The following IDUA variants were observed in gnomAD, a reference collection of about 807,000 sequenced individuals.
IDUA encodes iduronidase alpha-L-.
IDUA carries 65 observed loss-of-function variants against 68.9 expected under a neutral mutation model. The ratio of observed to expected loss-of-function variants is 0.94; its 90% CI spans 0.77 to 1.16. The LOEUF (loss-of-function observed/expected upper bound fraction) is 1.16, where lower values mean the gene tolerates loss of function less well. Ranked by LOEUF, IDUA falls within the 50% of genes most tolerant of loss-of-function variation. The pLI, the probability that IDUA is intolerant of heterozygous loss-of-function variation, is 0.00. For synonymous variants in IDUA, 529 were observed against 433.6 expected (o/e 1.22, Z -2.73); for missense variants, 1,046 against 938.0 (o/e 1.12, Z -1.50).
At chr4:996,060 G>A (rs116126909) in intron 2 of IDUA, among the ~76,000 whole-genome samples, 160 of 152,332 alleles carry the variant, frequency 1.1e-3, no homozygotes, top group Middle Eastern at 3.4e-3. Context: ...CTCCACCTGG[G>A]ATGCCCTCTC....
At chr4:987,998 C>T (rs1713880089) in intron 2 of IDUA, 49 bp downstream of exon 2, 2 of 1,530,606 alleles carry the variant, frequency 1.3e-6, no homozygotes, top group South Asian at 2.4e-5. Context: ...TACAGAGGCA[C>T]AGATGGGAGG....
chr4:992,180 G>A, intron 2 of IDUA: 1 of 462,372 alleles, frequency 2.2e-6, no homozygotes, highest in Non-Finnish European at 4.3e-6. Context: ...GGACACAGGT[G>A]CAGGCAAGCC....
chr4:988,558 T>C lies in IDUA; in HGVS notation c.299+609T>C, dbSNP rs1713935601. On this transcript the variant is annotated intron_variant, in intron 2 of 13. Coordinates refer to ENST00000514224, the MANE Select transcript of IDUA (RefSeq NM_000203.5). ...CTGAGCGTCAGGTCAGGCCCATCCC[T>C]CCTGAGCTGAGGGACGGTGCATTGG... 4.6e-6 allele frequency: 6 copies of C among 1,311,336 alleles called. No homozygotes were observed. The East Asian group carries it at 1.6e-4, about 34-fold the overall frequency. The allele number at this position is 1,311,336 out of a possible 1,614,324, so 81.2% of individuals were successfully genotyped here. A position where few individuals can be genotyped will look rare whatever the true frequency, so the allele number is the denominator to read the frequency against.
rs1039668945 is a variant in IDUA at position 1,002,949 on chromosome 4, G to C, written c.1402+5G>C. On this transcript the variant is annotated splice_donor_5th_base_variant and intron_variant, in intron 9 of 13. Coordinates refer to ENST00000514224, the MANE Select transcript of IDUA (RefSeq NM_000203.5). The stretch of plus-strand genomic sequence containing the variant: ...GCGGGGTGCCCCCCGGCCCGGGTAA[G>C]CCGGGGTTCCAGGGAGGTCTCTGGC... 1 of 1,363,728 alleles carries C rather than the reference G, an allele frequency of 7.3e-7. No homozygotes were observed. Among genetic ancestry groups the C allele is most frequent in the Non-Finnish European group, 9.4e-7 (1 of 1,065,978 alleles). 84.5% of individuals were successfully genotyped at this position (1,363,728 alleles called of 1,614,324 possible). A position where few individuals can be genotyped will look rare whatever the true frequency, so the allele number is the denominator to read the frequency against.
chr4:992,874 G>T (rs943021421), intron 2 of IDUA: 2 of 152,238 alleles, frequency 1.3e-5, no homozygotes, highest in Non-Finnish European at 2.9e-5. Flanking sequence ...CAAAGACTTT[G>T]CTCCCAGGAC....
rs143621769 is a variant in IDUA, at chr4:1,004,065, C to G, written c.1781C>G (p.Pro594Arg). ...QFSQDGKAYTPVSRKPSTFNL... is the reference protein window; with the variant it reads ...QFSQDGKAYTRVSRKPSTFNL... Reference sequence around the variant, plus strand: ...TCTCAGGACGGTAAGGCGTACACCCCGGTCAGCAGGAAGCCATCGACCTTC... The same window carrying G: ...TCTCAGGACGGTAAGGCGTACACCCGGGTCAGCAGGAAGCCATCGACCTTC... Residue 594 changes from proline to arginine, a missense_variant, in exon 13 of 14, where the codon CCG becomes CGG. Pro to Arg is a moderately radical substitution (Grantham distance 103). Transcript: ENST00000514224. This position sits in a 1 kb window ranked among gnomAD's most constrained non-coding sequence, Gnocchi z 5.0. 4 of 1,612,698 alleles carry G rather than the reference C, an allele frequency of 2.5e-6. No individual in the cohort carries two copies. The highest frequency in any genetic ancestry group is 3.4e-6 in the Non-Finnish European group (4 of 1,179,794).
At position 1,002,736 on chromosome 4, in the gene IDUA, G is replaced by A; in HGVS notation, c.1194G>A (p.Glu398=). ...CGGCCCCCCCCCGCCCCGCAGATGAGGAGCAGCTCTGGGCCGAAGTGTCGC... is the reference window on the plus strand; with the variant it reads ...CGGCCCCCCCCCGCCCCGCAGATGAAGAGCAGCTCTGGGCCGAAGTGTCGC... ...TAMGLLALLD[E]EQLWAEVSQA... The change falls in exon 9 of 14, where the codon GAG becomes GAA. Residue 398 remains glutamate, a synonymous_variant. Transcript: ENST00000514224. 1.2e-5 allele frequency: 18 copies of A among 1,485,240 alleles called. No homozygotes were observed. Among genetic ancestry groups the A allele is most frequent in the Non-Finnish European group, 1.6e-5 (18 of 1,123,774 alleles). 92.0% of individuals were successfully genotyped at this position (1,485,240 alleles called of 1,614,324 possible).
In IDUA at chr4:1,002,807, C is replaced by A; in HGVS notation, c.1265C>A (p.Ala422Asp). ...LDSNHTVGVL[A>D]SAHRPQGPAD... ...AGCAACCACACGGTGGGCGTCCTGG[C>A]CAGCGCCCACCGCCCCCAGGGCCCG... The change falls in exon 9 of 14, where the codon GCC becomes GAC. Residue 422 changes from alanine (A) to aspartate (D), a missense_variant. Transcript: ENST00000514224. The A allele has an allele frequency of 1.4e-6, 2 of 1,459,476 alleles. No homozygotes were observed. Among genetic ancestry groups the A allele is most frequent in the Non-Finnish European group, 1.8e-6 (2 of 1,111,710 alleles). 90.4% of individuals were successfully genotyped at this position (1,459,476 alleles called of 1,614,324 possible). A position where few individuals can be genotyped will look rare whatever the true frequency, so the allele number is the denominator to read the frequency against.
intron 2 of IDUA, among the ~76,000 whole-genome samples, chr4:992,437 G>A (rs1443030514): frequency 1.3e-5 from 2 of 152,242 alleles, no homozygotes; most frequent in Non-Finnish European, 2.9e-5. Context: ...TCTGCTGGGG[G>A]AGCAGCACTC....
At chr4:997,914 C>T (rs1714837546) in intron 2 of IDUA, among the ~76,000 whole-genome samples, 1 of 152,240 alleles carries the variant, frequency 6.6e-6, no homozygotes, top group Non-Finnish European at 1.5e-5. Flanking sequence ...GGGGCTCCCC[C>T]CGCTAGGGTC....
At chr4:991,748 G>T in intron 2 of IDUA, 1 of 1,532,338 alleles carries the variant, frequency 6.5e-7, no homozygotes, top group Non-Finnish European at 8.7e-7. Context: ...CGAGAAGAGG[G>T]CATGGTCACA....
Position 991,119 on chromosome 4 carries a change from G to T in IDUA, c.299+3170G>T, listed in dbSNP as rs1266916925. 4 of 1,529,276 alleles carry T rather than the reference G, an allele frequency of 2.6e-6. No homozygotes were observed. In the Admixed American group the frequency reaches 6.0e-5, roughly 23 times the overall value. 94.7% of individuals were successfully genotyped at this position (1,529,276 alleles called of 1,614,324 possible). On this transcript the variant is annotated intron_variant, in intron 2 of 13. Coordinates refer to ENST00000514224, the MANE Select transcript of IDUA (RefSeq NM_000203.5). ...GGGCCCCTCCCTGTGCCCAAGCAGG[G>T]CTCCTCACCTGGTAAAGCCCGGTCA...
At chr4:989,681 C>T (rs1395466649) in intron 2 of IDUA, 5 of 1,564,922 alleles carry the variant, frequency 3.2e-6, no homozygotes, top group African/African-American at 2.7e-5. Flanking sequence ...ACCACGGTGG[C>T]GCTGACCACG....
intron 2 of IDUA, chr4:989,939 C>T: frequency 6.4e-7 from 1 of 1,556,698 alleles, no homozygotes; most frequent in Non-Finnish European, 8.7e-7. Flanking sequence ...AGCCTGGGCT[C>T]TGGGACCTGA....
rs10794537 is a variant in IDUA, at chr4:987,183, T to G, written c.99T>G (p.His33Gln). 0.81 allele frequency: 1,199,746 copies of G among 1,472,526 alleles called. 490,912 individuals carry two copies. Among genetic ancestry groups the G allele is most frequent in the African/African-American group, 0.96 (65,474 of 68,164 alleles). The allele number at this position is 1,472,526 out of a possible 1,614,324, so 91.2% of individuals were successfully genotyped here. A position where few individuals can be genotyped will look rare whatever the true frequency, so the allele number is the denominator to read the frequency against. ...CGGCCGAGGCCCCGCACCTGGTGCATGTGGACGCGGCCCGCGCGCTGTGGC... is the reference window on the plus strand; with the variant it reads ...CGGCCGAGGCCCCGCACCTGGTGCAGGTGGACGCGGCCCGCGCGCTGTGGC... ...VAPAEAPHLV[H>Q]VDAARALWPL... The change falls in exon 1 of 14, where the codon CAT (histidine) becomes CAG (glutamine). Residue 33 changes from histidine (H) to glutamine (Q), a missense_variant. Physicochemically the swap from His to Gln is conservative, Grantham distance 24. Transcript: ENST00000514224.
intron 2 of IDUA, among the ~76,000 whole-genome samples, chr4:999,160 G>A (rs572295379): frequency 6.9e-4 from 105 of 151,202 alleles, no homozygotes; most frequent in South Asian, 1.0e-3. Context: ...AGCCGAGATC[G>A]CGCCACTGCA....
chr4:999,199 T>C (rs1436752613), intron 2 of IDUA, among the ~76,000 whole-genome samples: 18 of 136,776 alleles, frequency 1.3e-4, no homozygotes, highest in African/African-American at 2.8e-4. Flanking sequence ...AGTGAGACTC[T>C]GTCTCAAAAA....
At chr4:990,360 G>A (rs2153017375) in intron 2 of IDUA, 1 of 1,592,640 alleles carries the variant, frequency 6.3e-7, no homozygotes, top group Non-Finnish European at 8.5e-7. Context: ...CGCCCATGAG[G>A]ACCTGTGGAC....
At chr4:990,868 TG>T in intron 2 of IDUA, 1 of 495,726 alleles carries the variant, frequency 2.0e-6, no homozygotes, top group Non-Finnish European at 3.6e-6. Context: ...CAGCCACACC[TG>T]GCCTGCTGGT....
Sources: allele counts gnomAD v4.1 joint callset (sites outside exome capture counted in the v4.1 genomes callset), GRCh38; gene constraint gnomAD v4.1.1; non-coding constraint Gnocchi (gnomAD v3.1); transcripts MANE v1.5; gene names NCBI Gene and HGNC (gene_info 2026-07-23, HGNC 2026-07-21).